ITPK1: variants seen among roughly 807,000 people sequenced by gnomAD.
ITPK1 encodes inositol 1,3,4-trisphosphate 5/6-kinase.
In ITPK1, 21 loss-of-function variants were observed where a neutral mutation model predicts 45.3. That is an observed-to-expected ratio of 0.46 (90% CI 0.33 to 0.67). The LOEUF is 0.67. Among genes scored for constraint, ITPK1 ranks in the 30% least tolerant of loss-of-function variants. The pLI is 0.02. For synonymous variants in ITPK1, 258 were observed against 253.6 expected (o/e 1.02, Z -0.16); for missense variants, 474 against 573.5 (o/e 0.83, Z 1.77).
At chr14:93,054,466 C>T (rs116656564) in intron 3 of ITPK1, among the ~76,000 whole-genome samples, 2,070 of 152,188 alleles carry the variant, frequency 0.014, 46 homozygotes, top group African/African-American at 0.048. Context: ...CCCTATATTC[C>T]CAAAGACAAG....
At position 92,952,023 on chromosome 14, in the gene ITPK1, C is replaced by T. The variant is rs1326137232; in HGVS notation, c.671-10G>A. The T allele has an allele frequency of 4.5e-6, 7 of 1,563,534 alleles. No homozygotes were observed. Among genetic ancestry groups the T allele is most frequent in the East Asian group, 2.3e-5 (1 of 42,690 alleles). On this transcript the variant is annotated splice_polypyrimidine_tract_variant and intron_variant, in intron 8 of 10. Coordinates refer to ENST00000267615, the MANE Select transcript of ITPK1 (RefSeq NM_014216.6). The stretch of plus-strand genomic sequence containing the variant: ...AAGATGGACTCACGGTCTGAAAAAG[C>T]GACAGGAAGGAGCCGGCGTTAGAAC...
At chr14:92,982,213 T>C (rs1886270418) in intron 5 of ITPK1, among the ~76,000 whole-genome samples, 1 of 152,238 alleles carries the variant, frequency 6.6e-6, no homozygotes, top group Admixed American at 6.5e-5. Flanking sequence ...CCAAGATCCC[T>C]GTGGCCGGGC....
At chr14:92,972,901 C>T (rs924739929) in intron 5 of ITPK1, among the ~76,000 whole-genome samples, 1 of 152,192 alleles carries the variant, frequency 6.6e-6, no homozygotes, top group Non-Finnish European at 1.5e-5. Flanking sequence ...CTTCTCTGAC[C>T]GCACAACCCA....
At chr14:93,069,785 C>T (rs1389064955) in intron 3 of ITPK1, 4 of 152,264 alleles carry the variant, frequency 2.6e-5, no homozygotes, top group Non-Finnish European at 5.9e-5. Flanking sequence ...GTTTGATGGT[C>T]ACCCACCCAA....
Position 93,016,875 on chromosome 14 carries a change from C to A in ITPK1, c.121-74G>T. 1 of 1,580,322 alleles carries A rather than the reference C, an allele frequency of 6.3e-7. No individual in the cohort carries two copies. The highest frequency in any genetic ancestry group is 1.2e-5 in the South Asian group (1 of 86,914). On this transcript the variant is annotated intron_variant, in intron 3 of 10. Coordinates refer to ENST00000267615, the MANE Select transcript of ITPK1 (RefSeq NM_014216.6). This position sits in a 1 kb window ranked among gnomAD's most constrained non-coding sequence, Gnocchi z 5.0. The stretch of plus-strand genomic sequence containing the variant: ...CCACTGCCCCCATCCTCTTGTCCAC[C>A]CTGGGGCATATCACCAGAGGACCCT...
At chr14:92,951,897 C>A (rs923185108) in intron 9 of ITPK1, 49 bp downstream of exon 9, 8 of 1,457,408 alleles carry the variant, frequency 5.5e-6, no homozygotes, top group Non-Finnish European at 6.6e-6. Flanking sequence ...CACACCTAGG[C>A]CCACGGGAGG....
chr14:92,957,373 G>A (rs1446296076), intron 8 of ITPK1, among the ~76,000 whole-genome samples: 4 of 152,222 alleles, frequency 2.6e-5, no homozygotes, highest in Non-Finnish European at 4.4e-5. Context: ...TTTCCAGAAC[G>A]TGCCTTAGAG....
chr14:93,020,689 G>A (rs976414565), intron 3 of ITPK1, among the ~76,000 whole-genome samples: 5 of 152,160 alleles, frequency 3.3e-5, no homozygotes, highest in South Asian at 4.2e-4. Flanking sequence ...CTTCCCCCAC[G>A]GTATCATATA....
At chr14:93,099,919 G>A (rs1298490465) in intron 2 of ITPK1, among the ~76,000 whole-genome samples, 2 of 152,236 alleles carry the variant, frequency 1.3e-5, no homozygotes, top group African/African-American at 2.4e-5. Flanking sequence ...CCCCGTCCAA[G>A]TCTTTGCAAG....
chr14:93,041,043 G>T (rs913069146), intron 3 of ITPK1, among the ~76,000 whole-genome samples: 3 of 152,212 alleles, frequency 2.0e-5, no homozygotes, highest in Non-Finnish European at 2.9e-5. Context: ...AGTGTGGGGG[G>T]AGATGGTTGG....
chr14:92,940,722 G>A lies in ITPK1; in HGVS notation c.*839C>T. On this transcript the variant is annotated 3_prime_UTR_variant, in exon 11 of 11. Coordinates refer to ENST00000267615, the MANE Select transcript of ITPK1 (RefSeq NM_014216.6). ...CTCAAATGTCCACTAGAGACAAGGGGGTGGAGGCCCAAAGACCTGGAATGA... is the reference window on the plus strand; with the variant it reads ...CTCAAATGTCCACTAGAGACAAGGGAGTGGAGGCCCAAAGACCTGGAATGA... The A allele has an allele frequency of 1.6e-5, 21 of 1,288,994 alleles. No individual in the cohort carries two copies. Among genetic ancestry groups the A allele is most frequent in the Non-Finnish European group, 2.0e-5 (20 of 988,658 alleles). 79.8% of individuals were successfully genotyped at this position (1,288,994 alleles called of 1,614,324 possible).
At position 92,938,265 on chromosome 14, in the gene ITPK1, C is replaced by T. The variant is rs918693038; in HGVS notation, c.*3296G>A. The stretch of plus-strand genomic sequence containing the variant: ...GAGCCGCCATGCCCGGCCAGAGTTT[C>T]TAGGGAATAGAAGAGAGGGCAGATA... On this transcript the variant is annotated 3_prime_UTR_variant, in exon 11 of 11. Transcript: ENST00000267615. 1.8e-4 allele frequency: 106 copies of T among 594,218 alleles called. No homozygotes were observed. The highest frequency in any genetic ancestry group is 2.8e-4 in the Non-Finnish European group (95 of 334,744). 36.8% of individuals were successfully genotyped at this position (594,218 alleles called of 1,614,324 possible). A position where few individuals can be genotyped will look rare whatever the true frequency, so the allele number is the denominator to read the frequency against.
rs748547003 is a variant in ITPK1 at position 92,951,896 on chromosome 14, GC to G, written c.738+49del. 4.2e-6 allele frequency: 6 copies of G among 1,444,196 alleles called. No individual in the cohort carries two copies. In the East Asian group the frequency reaches 1.5e-4, roughly 35 times the overall value. 89.5% of individuals were successfully genotyped at this position (1,444,196 alleles called of 1,614,324 possible). A position where few individuals can be genotyped will look rare whatever the true frequency, so the allele number is the denominator to read the frequency against. On this transcript the variant is annotated intron_variant, in intron 9 of 10. Transcript: ENST00000267615. Reference sequence around the variant, plus strand: ...CATGGCCACAGCAGCCCACACCTAGGCCCACGGGAGGGCAGTTTCAGGCCAG... The same window carrying G: ...CATGGCCACAGCAGCCCACACCTAGGCCACGGGAGGGCAGTTTCAGGCCAG...
intron 3 of ITPK1, among the ~76,000 whole-genome samples, chr14:93,020,836 A>G (rs1426398864): frequency 1.3e-5 from 2 of 152,110 alleles, no homozygotes; most frequent in African/African-American, 4.8e-5. Flanking sequence ...CGATCCCAGC[A>G]CTAGCACCCA....
chr14:92,981,548 A>G (rs1043147017), intron 5 of ITPK1, among the ~76,000 whole-genome samples: 14 of 152,138 alleles, frequency 9.2e-5, no homozygotes, highest in Non-Finnish European at 2.9e-5. Context: ...CCCCAGGCCT[A>G]TCTCCCATGG....
At chr14:93,112,312 G>A (rs1359698534) in intron 2 of ITPK1, among the ~76,000 whole-genome samples, 1 of 152,122 alleles carries the variant, frequency 6.6e-6, no homozygotes, top group Non-Finnish European at 1.5e-5. Flanking sequence ...GGCTAGATGA[G>A]ATGATGGCCA....
chr14:92,953,387 C>G (rs559217566), intron 8 of ITPK1, among the ~76,000 whole-genome samples: 1 of 152,364 alleles, frequency 6.6e-6, no homozygotes, highest in South Asian at 2.1e-4. Context: ...AAAATAAACA[C>G]CCCGCAGGAC....
Position 93,063,232 on chromosome 14 carries a change from T to C in ITPK1, c.120+13363A>G, listed in dbSNP as rs1595180884. Among the ~76,000 whole-genome samples the C allele has an allele frequency of 6.6e-6, 1 of 152,322 alleles. No individual in the cohort carries two copies. The highest frequency in any genetic ancestry group is 3.4e-3 in the Middle Eastern group (1 of 294). On this transcript the variant is annotated intron_variant, in intron 3 of 10. Transcript: ENST00000267615. This position sits in a 1 kb window ranked among gnomAD's most constrained non-coding sequence, Gnocchi z 4.3. The stretch of plus-strand genomic sequence containing the variant: ...CAGGGCCTGCGGCAAAAATACTGCC[T>C]GGGCAAGGAAGGGAGTGAGCCAAGG...
intron 4 of ITPK1, among the ~76,000 whole-genome samples, chr14:93,008,213 C>T (rs1887716187): frequency 6.6e-6 from 1 of 152,214 alleles, no homozygotes; most frequent in Non-Finnish European, 1.5e-5. Flanking sequence ...CCCTGTTCTC[C>T]CAGGCCTCGG....
Sources: allele counts gnomAD v4.1 joint callset (sites outside exome capture counted in the v4.1 genomes callset), GRCh38; gene constraint gnomAD v4.1.1; non-coding constraint Gnocchi (gnomAD v3.1); transcripts MANE v1.5; gene names NCBI Gene and HGNC (gene_info 2026-07-23, HGNC 2026-07-21).